VPS41: variants seen among roughly 807,000 people sequenced by gnomAD.
VPS41 encodes the protein VPS41 subunit of HOPS complex, also known as vacuolar protein sorting-associated protein 41 homolog.
VPS41 carries 85 observed loss-of-function variants against 130.9 expected under a neutral mutation model. The observed-to-expected ratio is 0.65, with a 90% CI of 0.55 to 0.78. The LOEUF (loss-of-function observed/expected upper bound fraction) is 0.78. Ranked by LOEUF, VPS41 falls within the 30% of genes least tolerant of loss-of-function variation. The probability of loss-of-function intolerance (pLI) is 0.00; values close to 1 mark genes in which losing one functional copy is unlikely to be tolerated. For synonymous variants in VPS41, 335 were observed against 332.9 expected, an observed-to-expected ratio of 1.01 and a Z score of -0.07; for missense variants, 874 against 1,018.7, an observed-to-expected ratio of 0.86 and a Z score of 1.93.
chr7:38,813,446 G>A (rs748999573), intron 7 of VPS41, among the ~76,000 whole-genome samples: 19 of 152,090 alleles, frequency 1.2e-4, no homozygotes, highest in Admixed American at 2.6e-4. Flanking sequence ...ATTAGCTTAC[G>A]TTGATGGTTA....
Position 38,773,271 on chromosome 7 carries a change from C to T in VPS41, c.1013-634G>A, listed in dbSNP as rs562692978. ...TTATAAAACCTGTTCTGAAGGGTTT[C>T]TAAGTGTGCAGGAGAGTTTGCTCTG... is the stretch of plus-strand genomic sequence containing the variant. On this transcript the variant is annotated intron_variant, in intron 12 of 28. Coordinates refer to ENST00000310301, the MANE Select transcript of VPS41 (RefSeq NM_014396.4). Among the ~76,000 whole-genome samples, 4 of 152,100 alleles carry T rather than the reference C, an allele frequency of 2.6e-5. No homozygotes were observed. The South Asian group carries it at 8.3e-4, about 32-fold the overall frequency.
At chr7:38,879,915 A>G (rs1355193309) in intron 2 of VPS41, among the ~76,000 whole-genome samples, 1 of 151,982 alleles carries the variant, frequency 6.6e-6, no homozygotes, top group Non-Finnish European at 1.5e-5. Context: ...AGAAAGAAAG[A>G]AAATTATCCA....
intron 25 of VPS41, among the ~76,000 whole-genome samples, chr7:38,735,037 T>A (rs1270200023): frequency 6.6e-6 from 1 of 152,178 alleles, no homozygotes; most frequent in African/African-American, 2.4e-5. Flanking sequence ...TCAGAAACAA[T>A]CTTATAAACA....
At chr7:38,850,988 A>G (rs1391294423) in intron 4 of VPS41, among the ~76,000 whole-genome samples, 2 of 152,204 alleles carry the variant, frequency 1.3e-5, no homozygotes, top group Non-Finnish European at 2.9e-5. Context: ...TCTGCAATAG[A>G]ACCCTAAAAA....
intron 4 of VPS41, among the ~76,000 whole-genome samples, chr7:38,856,323 C>G (rs1433901157): frequency 6.6e-6 from 1 of 151,972 alleles, no homozygotes; most frequent in Non-Finnish European, 1.5e-5. Context: ...AATTTAATTA[C>G]CCCCCAAGTC....
intron 14 of VPS41, among the ~76,000 whole-genome samples, chr7:38,770,679 G>C (rs897757646): frequency 6.6e-6 from 1 of 152,192 alleles, no homozygotes; most frequent in African/African-American, 2.4e-5. Flanking sequence ...TGCAGGATGT[G>C]AGTTCCTCTG....
At chr7:38,818,712 A>C (rs187704230) in intron 6 of VPS41, among the ~76,000 whole-genome samples, 1 of 152,120 alleles carries the variant, frequency 6.6e-6, no homozygotes, top group African/African-American at 2.4e-5. Flanking sequence ...TCCCCAAACC[A>C]CCCATGAAAT....
intron 4 of VPS41, chr7:38,831,191 C>T (rs768644394): frequency 4.3e-5 from 20 of 470,546 alleles, no homozygotes; most frequent in Non-Finnish European, 7.9e-5. Flanking sequence ...CGATTTTAGT[C>T]TTGGCAAATA....
chr7:38,789,655 G>T (rs557841796), intron 10 of VPS41, 146 bp downstream of exon 10: 23 of 681,070 alleles, frequency 3.4e-5, no homozygotes, highest in Non-Finnish European at 5.4e-5. Flanking sequence ...GCAGATGACA[G>T]TAATTCACAG....
intron 2 of VPS41, among the ~76,000 whole-genome samples, chr7:38,895,646 G>A (rs140791319): frequency 2.2e-3 from 342 of 152,174 alleles, no homozygotes; most frequent in Non-Finnish European, 4.0e-3. Flanking sequence ...TTGGTGAGTA[G>A]GTAAGTCTCC....
intron 4 of VPS41, among the ~76,000 whole-genome samples, chr7:38,860,618 C>T (rs186273833): frequency 1.1e-4 from 16 of 151,976 alleles, no homozygotes; most frequent in African/African-American, 3.6e-4. Context: ...GCTAAGAATG[C>T]ACCACAATTA....
intron 4 of VPS41, among the ~76,000 whole-genome samples, chr7:38,846,504 T>C (rs752102332): frequency 5.9e-5 from 9 of 151,936 alleles, no homozygotes; most frequent in Non-Finnish European, 1.3e-4. Flanking sequence ...CTGGATACAG[T>C]GTAGGCGCAA....
chr7:38,785,745 G>C (rs918593934), intron 10 of VPS41, among the ~76,000 whole-genome samples: 6 of 151,988 alleles, frequency 3.9e-5, no homozygotes, highest in Admixed American at 6.6e-5. Flanking sequence ...AGCAAACAAG[G>C]GCTTTTCTTC....
At chr7:38,726,382 C>G (rs1795545162) in intron 28 of VPS41, 56 bp from the exon 29 acceptor site, 8 of 1,399,466 alleles carry the variant, frequency 5.7e-6, no homozygotes, top group Middle Eastern at 1.8e-4. Flanking sequence ...TTTCTACTCT[C>G]ATATTCAGAA....
In VPS41 at chr7:38,776,751, G is replaced by A; in HGVS notation, c.810C>T (p.Tyr270=). ...EIVSQFETEF[Y]ISGLAPLCDQ... is the part of the protein sequence containing the mutation. ...CACAGAGAGGTGCAAGTCCACTGAT[G>A]TAGAATTCAGTTTCAAACTGAGACA... The change falls in exon 11 of 29, where the codon TAC becomes TAT. Residue 270 remains tyrosine, a synonymous_variant. Coordinates refer to ENST00000310301, the MANE Select transcript of VPS41 (RefSeq NM_014396.4). The A allele has an allele frequency of 6.2e-7, 1 of 1,610,466 alleles. No individual in the cohort carries two copies. Among genetic ancestry groups the A allele is most frequent in the Non-Finnish European group, 8.5e-7 (1 of 1,177,000 alleles).
intron 5 of VPS41, among the ~76,000 whole-genome samples, chr7:38,826,259 G>C (rs77279672): frequency 2.0e-5 from 3 of 152,150 alleles, no homozygotes; most frequent in Non-Finnish European, 4.4e-5. Flanking sequence ...GGGCAAGTTA[G>C]ACATTGAATC....
rs898131873 is a variant in VPS41 at position 38,742,131 on chromosome 7, A to T, written c.2123-10T>A. 1 of 1,596,880 alleles carries T rather than the reference A, an allele frequency of 6.3e-7. No individual in the cohort carries two copies. Among genetic ancestry groups the T allele is most frequent in the Non-Finnish European group, 8.5e-7 (1 of 1,174,456 alleles). On this transcript the variant is annotated splice_polypyrimidine_tract_variant and intron_variant, in intron 24 of 28. Transcript: ENST00000310301. ...AAGCCAGTAATAAATGCTACAAAAT[A>T]CCACATAAAACAATGAACATATAAG...
intron 5 of VPS41, among the ~76,000 whole-genome samples, chr7:38,825,194 G>T (rs1785246978): frequency 6.6e-6 from 1 of 152,154 alleles, no homozygotes; most frequent in African/African-American, 2.4e-5. Context: ...ATCAAGAATA[G>T]AACTCTCTGG....
intron 28 of VPS41, among the ~76,000 whole-genome samples, chr7:38,726,650 C>G (rs537019607): frequency 1.3e-5 from 2 of 152,338 alleles, no homozygotes; most frequent in South Asian, 4.1e-4. Flanking sequence ...TTGCTCATCT[C>G]TACAGCATGA....
Sources: allele counts gnomAD v4.1 joint callset (sites outside exome capture counted in the v4.1 genomes callset), GRCh38; gene constraint gnomAD v4.1.1; transcripts MANE v1.5; gene names NCBI Gene and HGNC (gene_info 2026-07-23, HGNC 2026-07-21).